The following GLDN variants were observed in gnomAD, a reference collection of about 807,000 sequenced individuals.
GLDN encodes the protein gliomedin, also known as collomin.
In GLDN, 47 loss-of-function variants were observed where a neutral mutation model predicts 56.5. The ratio of observed to expected loss-of-function variants is 0.83; its 90% CI spans 0.66 to 1.06. The LOEUF (loss-of-function observed/expected upper bound fraction) is 1.06, where lower values mean the gene tolerates loss of function less well. Among genes scored for constraint, GLDN ranks in the 50% least tolerant of loss-of-function variants. The probability of loss-of-function intolerance (pLI) is 0.00; values close to 1 mark genes in which losing one functional copy is unlikely to be tolerated. For missense variants in GLDN, 782 were observed against 714.3 expected (o/e 1.09, Z -1.08); for synonymous variants, 332 against 278.8 (o/e 1.19, Z -1.90).
intron 1 of GLDN, among the ~76,000 whole-genome samples, chr15:51,374,374 T>C (rs2037579687): frequency 6.6e-6 from 1 of 152,228 alleles, no homozygotes; most frequent in Non-Finnish European, 1.5e-5. Flanking sequence ...CTGATTACAT[T>C]CATTTATGAA....
intron 1 of GLDN, 121 bp from the exon 2 acceptor site, chr15:51,377,327 TC>T: frequency 1.4e-6 from 1 of 728,532 alleles, no homozygotes; most frequent in South Asian, 1.8e-5. Context: ...TCCTTGAACT[TC>T]CGCGGGTTCT....
intron 1 of GLDN, among the ~76,000 whole-genome samples, chr15:51,347,742 T>C (rs1344195714): frequency 6.6e-6 from 1 of 152,226 alleles, no homozygotes; most frequent in Non-Finnish European, 1.5e-5. Flanking sequence ...ATGACATATG[T>C]ACATATTCAT....
chr15:51,384,185 G>C, intron 4 of GLDN: 2 of 395,112 alleles, frequency 5.1e-6, no homozygotes, highest in Non-Finnish European at 9.2e-6. Flanking sequence ...CCCTGGGAGG[G>C]GCATTCTGTG....
chr15:51,350,258 A>G (rs1311863001), intron 1 of GLDN, among the ~76,000 whole-genome samples: 1 of 152,168 alleles, frequency 6.6e-6, no homozygotes, highest in Admixed American at 6.5e-5. Flanking sequence ...TTAGCCATCT[A>G]TTATTCCCAA....
At chr15:51,356,162 G>A (rs182585292) in intron 1 of GLDN, among the ~76,000 whole-genome samples, 53 of 150,746 alleles carry the variant, frequency 3.5e-4, no homozygotes, top group Non-Finnish European at 6.1e-4. Flanking sequence ...AGCCGAAATC[G>A]CGCCACTGCA....
chr15:51,342,079 C>A (rs376095060), intron 1 of GLDN, 32 bp downstream of exon 1: 1 of 1,588,302 alleles, frequency 6.3e-7, no homozygotes, highest in Non-Finnish European at 8.5e-7. Flanking sequence ...CGTGGCGCCC[C>A]GGCCAGGTGG....
chr15:51,383,800 G>A lies in GLDN; in HGVS notation c.449G>A (p.Gly150Asp), dbSNP rs775395640. 6 of 1,611,184 alleles carry A rather than the reference G, an allele frequency of 3.7e-6. No homozygotes were observed. The South Asian group carries it at 5.5e-5, about 15-fold the overall frequency. Reference sequence around the variant, plus strand: ...TTTGATGCAGGACCTCCGGGAGCCGGCGGGTTGCCAGGACACAACGGATTG... The same window carrying A: ...TTTGATGCAGGACCTCCGGGAGCCGACGGGTTGCCAGGACACAACGGATTG... ...PSGPPGPPGA[G>D]GLPGHNGLDG... Residue 150 changes from glycine (G) to aspartate (D), a missense_variant, in exon 4 of 10, where the codon GGC (glycine) becomes GAC (aspartate). Physicochemically the swap from Gly to Asp is moderately conservative, Grantham distance 94 (BLOSUM62 -1). Coordinates refer to ENST00000335449, the MANE Select transcript of GLDN (RefSeq NM_181789.4).
rs138310483 is a variant in GLDN at position 51,385,427 on chromosome 15, G to T, written c.541+1535G>T. ...AAGAAAAAGTGCATTTGTTTATGGA[G>T]CACATATTTGTGTGGCAGGTACCAT... On this transcript the variant is annotated intron_variant, in intron 4 of 9. Coordinates refer to ENST00000335449, the MANE Select transcript of GLDN (RefSeq NM_181789.4). 19 of 152,244 alleles carry T rather than the reference G, an allele frequency of 1.2e-4. No homozygotes were observed. The East Asian group carries it at 3.3e-3, about 26-fold the overall frequency. 9.4% of individuals were successfully genotyped at this position (152,244 alleles called of 1,614,324 possible).
intron 9 of GLDN, 101 bp from the exon 10 acceptor site, chr15:51,404,176 C>G (rs2038316898): frequency 1.1e-6 from 1 of 881,564 alleles, no homozygotes; most frequent in Admixed American, 2.3e-5. Flanking sequence ...TCCCAGCCCT[C>G]ACCCCAGACC....
chr15:51,355,296 G>A (rs2037152995), intron 1 of GLDN, among the ~76,000 whole-genome samples: 1 of 152,126 alleles, frequency 6.6e-6, no homozygotes, highest in African/African-American at 2.4e-5. Flanking sequence ...AAGGGGCAGG[G>A]ATTTCCCAGA....
intron 6 of GLDN, among the ~76,000 whole-genome samples, chr15:51,397,963 A>G (rs2038171019): frequency 6.6e-6 from 1 of 152,186 alleles, no homozygotes; most frequent in South Asian, 2.1e-4. Context: ...GATGCTCAGG[A>G]GATGAAGGGG....
In GLDN at chr15:51,407,810, C is replaced by G. The variant is rs1018573445; in HGVS notation, c.*3056C>G. On this transcript the variant is annotated 3_prime_UTR_variant, in exon 10 of 10. Transcript: ENST00000335449. ...CAGAGGACGTTTTGGCTATGATCAT[C>G]TGATGGCAAGTGAAGGAGAAATGAG... 3.9e-5 allele frequency: 6 copies of G among 152,244 alleles called. No homozygotes were observed. Among genetic ancestry groups the G allele is most frequent in the African/African-American group, 1.2e-4 (5 of 41,474 alleles). 9.4% of individuals were successfully genotyped at this position (152,244 alleles called of 1,614,324 possible).
intron 1 of GLDN, among the ~76,000 whole-genome samples, chr15:51,354,579 C>T (rs558913280): frequency 1.1e-4 from 16 of 152,214 alleles, no homozygotes; most frequent in African/African-American, 3.6e-4. Flanking sequence ...TGAATCATTC[C>T]AAGTACAGGC....
chr15:51,345,171 C>A (rs923270478), intron 1 of GLDN, among the ~76,000 whole-genome samples: 1 of 152,134 alleles, frequency 6.6e-6, no homozygotes, highest in African/African-American at 2.4e-5. Flanking sequence ...CATCAGCTAC[C>A]CTCTCTCATT....
chr15:51,400,635 A>G (rs2038230948), intron 8 of GLDN, 137 bp downstream of exon 8: 1 of 1,001,628 alleles, frequency 1.0e-6, no homozygotes, highest in African/African-American at 1.6e-5. Context: ...TTATTTTAGA[A>G]AGACCAATAA....
intron 4 of GLDN, among the ~76,000 whole-genome samples, chr15:51,391,060 T>C (rs780100433): frequency 5.3e-5 from 8 of 152,174 alleles, no homozygotes; most frequent in Non-Finnish European, 8.8e-5. Flanking sequence ...GACGAGGGGA[T>C]GCTTTGTCAG....
chr15:51,381,376 G>C (rs917121213), intron 2 of GLDN, among the ~76,000 whole-genome samples: 13 of 152,092 alleles, frequency 8.5e-5, no homozygotes, highest in Admixed American at 7.9e-4. Flanking sequence ...TCTGACCTCT[G>C]TTAACTGGCC....
chr15:51,383,959 T>C lies in GLDN; in HGVS notation c.541+67T>C, dbSNP rs1566945961. 12 of 1,167,470 alleles carry C rather than the reference T, an allele frequency of 1.0e-5. No individual in the cohort carries two copies. The East Asian group carries it at 3.0e-4, about 29-fold the overall frequency. The allele number at this position is 1,167,470 out of a possible 1,614,324, so 72.3% of individuals were successfully genotyped here. A position where few individuals can be genotyped will look rare whatever the true frequency, so the allele number is the denominator to read the frequency against. ...TCTCCATGATTGCATTTGGGTCGACTAAAACTGTGTGCAGCAGGGGTAAGG... is the reference window on the plus strand; with the variant it reads ...TCTCCATGATTGCATTTGGGTCGACCAAAACTGTGTGCAGCAGGGGTAAGG... On this transcript the variant is annotated intron_variant, in intron 4 of 9. Transcript: ENST00000335449.
intron 1 of GLDN, among the ~76,000 whole-genome samples, chr15:51,362,411 G>A (rs61271020): frequency 1.3e-3 from 197 of 151,770 alleles, no homozygotes; most frequent in African/African-American, 3.6e-3. Flanking sequence ...CTTGAACCAG[G>A]GAGGCAGACG....
Sources: allele counts gnomAD v4.1 joint callset (sites outside exome capture counted in the v4.1 genomes callset), GRCh38; gene constraint gnomAD v4.1.1; transcripts MANE v1.5; gene names NCBI Gene and HGNC (gene_info 2026-07-23, HGNC 2026-07-21).